Variants in SPRED2 observed in about 807,000 individuals in gnomAD.
SPRED2 encodes the protein sprouty-related, EVH1 domain-containing protein 2.
A neutral mutation model predicts 43.0 loss-of-function variants in SPRED2; 47 were observed. The observed-to-expected ratio is 1.09, with a 90% CI of 0.87 to 1.40. The LOEUF (loss-of-function observed/expected upper bound fraction) is 1.40. Among genes scored for constraint, SPRED2 ranks in the 40% most tolerant of loss-of-function variants. SPRED2 has a pLI of 0.00. For synonymous variants in SPRED2, 225 were observed against 225.7 expected, an observed-to-expected ratio of 1.00 and a Z score of 0.03; for missense variants, 561 against 586.4, an observed-to-expected ratio of 0.96 and a Z score of 0.45.
At chr2:65,384,352 G>C (rs1392434665) in intron 1 of SPRED2, among the ~76,000 whole-genome samples, 1 of 152,052 alleles carries the variant, frequency 6.6e-6, no homozygotes, top group East Asian at 1.9e-4. Context: ...TCCCAAGCTT[G>C]ACGGGCAAAG....
intron 1 of SPRED2, among the ~76,000 whole-genome samples, chr2:65,353,379 C>T (rs1674564710): frequency 6.6e-6 from 1 of 152,196 alleles, no homozygotes; most frequent in South Asian, 2.1e-4. Context: ...ACCTCTCACC[C>T]ACACACTATT....
At chr2:65,421,678 C>T (rs554923500) in intron 1 of SPRED2, among the ~76,000 whole-genome samples, 1 of 152,124 alleles carries the variant, frequency 6.6e-6, no homozygotes. Flanking sequence ...TATCTCAGTA[C>T]AGAAAAGGCC....
In SPRED2 at chr2:65,404,820, T is replaced by G. The variant is rs369365361; in HGVS notation, c.26+27142A>C. 2.5e-3 allele frequency among the ~76,000 whole-genome samples: 387 copies of G among 152,164 alleles called. 2 individuals carry two copies. Among genetic ancestry groups the G allele is most frequent in the African/African-American group, 9.0e-3 (375 of 41,522 alleles). ...ACAGCCCAGTTATCCATGTACTACC[T>G]CCCCAGCATGAACAGACCACCTTTC... On this transcript the variant is annotated intron_variant, in intron 1 of 5. Coordinates refer to ENST00000356388, the MANE Select transcript of SPRED2 (RefSeq NM_181784.3).
chr2:65,364,091 C>T (rs1674899463), intron 1 of SPRED2, among the ~76,000 whole-genome samples: 1 of 152,190 alleles, frequency 6.6e-6, no homozygotes, highest in Non-Finnish European at 1.5e-5. Flanking sequence ...TAGAGCAGTT[C>T]TTTCTTGATT....
chr2:65,386,462 C>G (rs920880030), intron 1 of SPRED2, among the ~76,000 whole-genome samples: 15 of 152,072 alleles, frequency 9.9e-5, no homozygotes, highest in African/African-American at 3.6e-4. Context: ...TCTATCGTAC[C>G]TCTCATGGCA....
At chr2:65,335,458 G>A (rs1673937448) in intron 2 of SPRED2, among the ~76,000 whole-genome samples, 1 of 152,188 alleles carries the variant, frequency 6.6e-6, no homozygotes, top group South Asian at 2.1e-4. Context: ...GAGTTGTAAT[G>A]AGTAGATTGA....
chr2:65,325,341 T>C (rs142854333), intron 4 of SPRED2, among the ~76,000 whole-genome samples: 113 of 152,310 alleles, frequency 7.4e-4, no homozygotes, highest in African/African-American at 2.5e-3. Context: ...TAGAAAACAA[T>C]GTTAAAGAAA....
intron 1 of SPRED2, among the ~76,000 whole-genome samples, chr2:65,367,183 C>T (rs1160442696): frequency 6.6e-6 from 1 of 152,154 alleles, no homozygotes; most frequent in Non-Finnish European, 1.5e-5. Flanking sequence ...AAAAAGTATA[C>T]ATCAAAATTT....
downstream of SPRED2, among the ~76,000 whole-genome samples, chr2:65,310,135 T>C (rs114401026): frequency 1.3e-5 from 2 of 152,072 alleles, no homozygotes; most frequent in African/African-American, 2.4e-5. Context: ...ACTTCCAACA[T>C]CTCTCCATGC....
At chr2:65,388,027 A>G (rs1675541320) in intron 1 of SPRED2, among the ~76,000 whole-genome samples, 1 of 152,122 alleles carries the variant, frequency 6.6e-6, no homozygotes, top group Admixed American at 6.5e-5. Flanking sequence ...TCCTGACCTC[A>G]AGTGATCTGC....
chr2:65,389,828 T>C (rs995896848), intron 1 of SPRED2, among the ~76,000 whole-genome samples: 1 of 152,258 alleles, frequency 6.6e-6, no homozygotes, highest in African/African-American at 2.4e-5. Context: ...GTGAGAAATT[T>C]TGCAGGAGTA....
chr2:65,367,472 TA>T (rs61458525), intron 1 of SPRED2, among the ~76,000 whole-genome samples: 7,807 of 152,190 alleles, frequency 0.051, 293 homozygotes, highest in Middle Eastern at 0.14. Flanking sequence ...TTTTAAAAAT[TA>T]AAAAAAATTT....
At chr2:65,320,816 TCTC>T (rs1673387791) in intron 4 of SPRED2, among the ~76,000 whole-genome samples, 3 of 151,946 alleles carry the variant, frequency 2.0e-5, no homozygotes, top group South Asian at 4.2e-4. Flanking sequence ...GGAAAAAAAA[TCTC>T]CTTTTACCCT....
chr2:65,313,762 G>A lies in SPRED2; in HGVS notation c.996C>T (p.Ser332=), dbSNP rs201435418. ...TCACCCGGCGGATGCAAGTTCTCACGGAGTCGGGCGCGTCCTGGCAGTGGC... is the reference window on the plus strand; with the variant it reads ...TCACCCGGCGGATGCAAGTTCTCACAGAGTCGGGCGCGTCCTGGCAGTGGC... The part of the protein sequence containing the change: ...RRGHCQDAPD[S]VRTCIRRVSC... The change falls in exon 6 of 6, where the codon TCC becomes TCT. Residue 332 remains serine, a synonymous_variant. Transcript: ENST00000356388. 22 of 1,614,182 alleles carry A rather than the reference G, an allele frequency of 1.4e-5. No homozygotes were observed. The African/African-American group carries it at 1.5e-4, about 11-fold the overall frequency.
chr2:65,412,124 C>CA (rs200980989), intron 1 of SPRED2, among the ~76,000 whole-genome samples: 10,877 of 105,958 alleles, frequency 0.1, 496 homozygotes, highest in Middle Eastern at 0.2. Context: ...GAGACTGTCT[C>CA]AAAAAAAAAA....
At chr2:65,385,130 C>T (rs1429014786) in intron 1 of SPRED2, among the ~76,000 whole-genome samples, 2 of 152,040 alleles carry the variant, frequency 1.3e-5, no homozygotes, top group Admixed American at 6.5e-5. Flanking sequence ...CACCACCACA[C>T]CTGGCTAATT....
intron 1 of SPRED2, among the ~76,000 whole-genome samples, chr2:65,407,543 G>T (rs951353691): frequency 3.9e-5 from 6 of 152,144 alleles, no homozygotes; most frequent in South Asian, 4.1e-4. Context: ...GGTGGGAAGT[G>T]CTGCCAACTT....
chr2:65,322,294 A>ATATATTTT (rs1350932295), intron 4 of SPRED2, among the ~76,000 whole-genome samples: 1 of 64,930 alleles, frequency 1.5e-5, no homozygotes, highest in African/African-American at 7.1e-5. Context: ...ATATATATAT[A>ATATATTTT]TTTTTTTTTT....
intron 1 of SPRED2, among the ~76,000 whole-genome samples, chr2:65,407,030 G>A (rs1029252913): frequency 1.3e-5 from 2 of 151,586 alleles, no homozygotes; most frequent in African/African-American, 4.9e-5. Flanking sequence ...CTGGGTTCAC[G>A]CCATTCTCCT....
Sources: gnomAD v4.1 joint callset for allele counts (sites outside exome capture counted in the v4.1 genomes callset) on GRCh38, gnomAD v4.1.1 for gene constraint, MANE v1.5 for transcripts, NCBI Gene and HGNC (gene_info 2026-07-23, HGNC 2026-07-21) for gene names.